Variants in WDR45B observed in about 807,000 individuals in gnomAD.
WDR45B encodes the protein WD repeat domain 45B.
In WDR45B, 20 loss-of-function variants were observed where a neutral mutation model predicts 44.6. That is an observed-to-expected ratio of 0.45 (90% CI 0.32 to 0.65). The LOEUF (loss-of-function observed/expected upper bound fraction) is 0.65, where lower values mean the gene tolerates loss of function less well. Ranked by LOEUF, WDR45B falls within the 30% of genes least tolerant of loss-of-function variation. WDR45B has a pLI of 0.05. For synonymous variants in WDR45B, 169 were observed against 164.9 expected (o/e 1.02, Z -0.19); for missense variants, 323 against 430.2 (o/e 0.75, Z 2.20).
intron 1 of WDR45B, among the ~76,000 whole-genome samples, chr17:82,646,532 T>TAAAAAAA (rs2045980572): frequency 9.0e-6 from 1 of 111,714 alleles, no homozygotes; most frequent in South Asian, 3.2e-4. Context: ...AAAAAACAGC[T>TAAAAAAA]AGAAACAAAA....
intron 5 of WDR45B, 31 bp from the exon 6 acceptor site, chr17:82,621,830 ACTGC>A: frequency 6.2e-7 from 1 of 1,611,988 alleles, no homozygotes; most frequent in Non-Finnish European, 8.5e-7. Context: ...CCAATCAAGA[ACTGC>A]CTTTGATTTC....
chr17:82,637,011 G>A (rs1407748950), intron 2 of WDR45B, among the ~76,000 whole-genome samples: 2 of 151,896 alleles, frequency 1.3e-5, no homozygotes, highest in Non-Finnish European at 2.9e-5. Context: ...AAAAACCCCC[G>A]GTCTCCTTTG....
In WDR45B at chr17:82,625,369, C is replaced by T; in HGVS notation, c.427+20G>A. On this transcript the variant is annotated intron_variant, in intron 5 of 9. Coordinates refer to ENST00000392325, the MANE Select transcript of WDR45B (RefSeq NM_019613.4). ...ATGTGGACCCATTTCCCATCGCCAC[C>T]CGTCTGCTCAATCTCTCACCTTTGG... 1 of 1,612,602 alleles carries T rather than the reference C, an allele frequency of 6.2e-7. No homozygotes were observed. Among genetic ancestry groups the T allele is most frequent in the Non-Finnish European group, 8.5e-7 (1 of 1,178,640 alleles).
At chr17:82,621,837 T>A in intron 5 of WDR45B, 38 bp from the exon 6 acceptor site, 1 of 1,610,356 alleles carries the variant, frequency 6.2e-7, no homozygotes, top group Admixed American at 1.7e-5. Flanking sequence ...AGAACTGCCT[T>A]TGATTTCTCA....
intron 6 of WDR45B, among the ~76,000 whole-genome samples, 161 bp from the exon 7 acceptor site, chr17:82,619,289 G>A (rs1026612366): frequency 6.6e-6 from 1 of 152,170 alleles, no homozygotes; most frequent in Non-Finnish European, 1.5e-5. Flanking sequence ...CCAGCACACA[G>A]TTGTGCCCCT....
chr17:82,632,992 G>A (rs915523366), intron 2 of WDR45B, among the ~76,000 whole-genome samples: 9 of 152,102 alleles, frequency 5.9e-5, no homozygotes, highest in Non-Finnish European at 7.4e-5. Context: ...GTGAAACTCC[G>A]TCTCTACTAA....
At chr17:82,641,731 C>T (rs547525898) in intron 2 of WDR45B, among the ~76,000 whole-genome samples, 1 of 152,090 alleles carries the variant, frequency 6.6e-6, no homozygotes, top group Non-Finnish European at 1.5e-5. Flanking sequence ...ACCGTCTCTA[C>T]CAAACATACA....
chr17:82,616,489 G>A (rs374251574), intron 9 of WDR45B, 35 bp downstream of exon 9: 35 of 1,612,528 alleles, frequency 2.2e-5, no homozygotes, highest in African/African-American at 1.6e-4. Context: ...CAGGTGGGGC[G>A]GGTGGGGACG....
At chr17:82,618,987 C>A in intron 7 of WDR45B, 56 bp downstream of exon 7, 1 of 1,556,492 alleles carries the variant, frequency 6.4e-7, no homozygotes, top group Non-Finnish European at 8.9e-7. Flanking sequence ...CCCAAAGGCC[C>A]ACTTCCGTGC....
chr17:82,620,845 CCAATA>C (rs2143261999), intron 6 of WDR45B, among the ~76,000 whole-genome samples: 1 of 152,216 alleles, frequency 6.6e-6, no homozygotes, highest in Admixed American at 6.5e-5. Flanking sequence ...GACAATGTGT[CCAATA>C]CGTCAATATT....
chr17:82,625,777 G>A (rs940407117), intron 4 of WDR45B: 13 of 422,268 alleles, frequency 3.1e-5, no homozygotes, highest in Admixed American at 7.2e-5. Flanking sequence ...GTTCAGAACC[G>A]AGCAAAACAG....
At chr17:82,638,421 G>C (rs1211676255) in intron 2 of WDR45B, among the ~76,000 whole-genome samples, 1 of 151,618 alleles carries the variant, frequency 6.6e-6, no homozygotes, top group Non-Finnish European at 1.5e-5. Flanking sequence ...GACTAACCAG[G>C]TCTGTGGGAG....
intron 2 of WDR45B, among the ~76,000 whole-genome samples, chr17:82,638,222 G>T (rs1215665757): frequency 1.0e-4 from 1 of 9,758 alleles, no homozygotes; most frequent in Non-Finnish European, 1.8e-4. Flanking sequence ...AAAGGGAGGG[G>T]AGGGGAGAGG....
rs1393494734 is a variant in WDR45B at position 82,622,002 on chromosome 17, AT to A, written c.428-204del. ...AAGCTACCTCGCATGAGACCTCCTCATAATCAAGACATCTGCTGAACAACTT... is the reference window on the plus strand; with the variant it reads ...AAGCTACCTCGCATGAGACCTCCTCAAATCAAGACATCTGCTGAACAACTT... On this transcript the variant is annotated intron_variant, in intron 5 of 9. Transcript: ENST00000392325. Among the ~76,000 whole-genome samples, 8 of 152,352 alleles carry A rather than the reference AT, an allele frequency of 5.3e-5. No homozygotes were observed. In the East Asian group the frequency reaches 1.4e-3, roughly 26 times the overall value.
At position 82,644,540 on chromosome 17, in the gene WDR45B, A is replaced by ATC. The variant is rs1491579708; in HGVS notation, c.68-518_68-517insGA. The ATC allele has an allele frequency of 1.6e-5, 3 of 189,762 alleles. No homozygotes were observed. The East Asian group carries it at 3.6e-4, about 23-fold the overall frequency. The allele number at this position is 189,762 out of a possible 1,614,324, so 11.8% of individuals were successfully genotyped here. On this transcript the variant is annotated intron_variant, in intron 1 of 9. Coordinates refer to ENST00000392325, the MANE Select transcript of WDR45B (RefSeq NM_019613.4). ...CATCCTAACTCCTTAAAATCCTGTC[A>ATC]GAGTCTCAATGAGTTACCCAGGTCA...
chr17:82,646,568 G>A (rs2045981251), intron 1 of WDR45B, among the ~76,000 whole-genome samples: 1 of 149,024 alleles, frequency 6.7e-6, no homozygotes, highest in African/African-American at 2.5e-5. Flanking sequence ...AAGTACAGAA[G>A]TAGGCAAAAC....
intron 5 of WDR45B, among the ~76,000 whole-genome samples, chr17:82,624,812 G>A (rs1412260811): frequency 1.3e-5 from 2 of 149,216 alleles, no homozygotes; most frequent in Non-Finnish European, 3.0e-5. Flanking sequence ...TAGAGACAGG[G>A]TTTCACCGTG....
At chr17:82,631,107 G>A (rs1360928510) in intron 2 of WDR45B, 85 bp from the exon 3 acceptor site, 12 of 1,341,904 alleles carry the variant, frequency 8.9e-6, no homozygotes, top group African/African-American at 2.9e-5. Context: ...GTCAAGACAG[G>A]TAACGCAGCA....
chr17:82,616,395 A>G (rs1192320628), intron 9 of WDR45B, 129 bp downstream of exon 9: 1 of 1,446,856 alleles, frequency 6.9e-7, no homozygotes, highest in African/African-American at 1.4e-5. Flanking sequence ...AGGAGAAATA[A>G]GGGGAACTGG....
Sources: allele counts gnomAD v4.1 joint callset (sites outside exome capture counted in the v4.1 genomes callset), GRCh38; gene constraint gnomAD v4.1.1; transcripts MANE v1.5; gene names NCBI Gene and HGNC (gene_info 2026-07-23, HGNC 2026-07-21).